Variants in BMP5 observed in about 807,000 individuals in gnomAD.
BMP5 encodes the protein bone morphogenetic protein 5.
In BMP5, 23 loss-of-function variants were observed where a neutral mutation model predicts 46.6. That is an observed-to-expected ratio of 0.49 (90% CI 0.35 to 0.70). BMP5 has a LOEUF of 0.70. BMP5 is among the 30% of genes least tolerant of loss of function. The pLI, the probability that BMP5 is intolerant of heterozygous loss-of-function variation, is 0.00. For synonymous variants in BMP5, 204 were observed against 191.9 expected, an observed-to-expected ratio of 1.06 and a Z score of -0.52; for missense variants, 545 against 565.6, an observed-to-expected ratio of 0.96 and a Z score of 0.37.
intron 1 of BMP5, among the ~76,000 whole-genome samples, chr6:55,864,909 A>G (rs1332769886): frequency 6.6e-6 from 1 of 152,122 alleles, no homozygotes; most frequent in Non-Finnish European, 1.5e-5. Flanking sequence ...CGCATCTGAA[A>G]AAAAAAACCC....
chr6:55,860,937 T>C (rs1777515083), intron 1 of BMP5, among the ~76,000 whole-genome samples: 2 of 152,160 alleles, frequency 1.3e-5, no homozygotes, highest in Admixed American at 6.6e-5. Flanking sequence ...GGAGCAGAAA[T>C]AATATATTCA....
intron 1 of BMP5, among the ~76,000 whole-genome samples, chr6:55,841,162 C>T (rs1273826146): frequency 1.3e-5 from 2 of 152,152 alleles, no homozygotes; most frequent in African/African-American, 2.4e-5. Context: ...AACCATCCCA[C>T]CCTGCATCCA....
rs182181577 is a variant in BMP5 at position 55,804,899 on chromosome 6, A to G, written c.684-10472T>C. 3.3e-3 allele frequency among the ~76,000 whole-genome samples: 501 copies of G among 152,290 alleles called. 2 individuals carry two copies. The highest frequency in any genetic ancestry group is 0.011 in the African/African-American group (472 of 41,562). On this transcript the variant is annotated intron_variant, in intron 2 of 6. Transcript: ENST00000370830. ...ATTTAAGTTTGTATGTGGAAGATAG[A>G]ACTTCTTGCACTATTTCAATGTAAG...
rs761833722 is a variant in BMP5 at position 55,819,669 on chromosome 6, C to T, written c.669G>A (p.Lys223=). 3 of 1,611,508 alleles carry T rather than the reference C, an allele frequency of 1.9e-6. No homozygotes were observed. The highest frequency in any genetic ancestry group is 2.5e-6 in the Non-Finnish European group (3 of 1,177,994). ...TIKISIYQII[K]EYTNRDADLF... is the part of the protein sequence containing the mutation. ...AAAGATTATACCTATTTGTGTATTC[C>T]TTGATGATTTGATATATGCTAATCT... Residue 223 remains lysine (K), a synonymous_variant, in exon 2 of 7, where the codon AAG becomes AAA. Transcript: ENST00000370830.
At chr6:55,822,049 C>G (rs1013907057) in intron 1 of BMP5, among the ~76,000 whole-genome samples, 1 of 152,164 alleles carries the variant, frequency 6.6e-6, no homozygotes, top group East Asian at 1.9e-4. Context: ...TGCCTCATAA[C>G]AGCCTACAAG....
At chr6:55,806,109 T>C (rs567843995) in intron 2 of BMP5, among the ~76,000 whole-genome samples, 24 of 152,322 alleles carry the variant, frequency 1.6e-4, no homozygotes, top group African/African-American at 5.5e-4. Flanking sequence ...TTTGTTGCAA[T>C]TGCTTTTGGC....
intron 4 of BMP5, among the ~76,000 whole-genome samples, chr6:55,763,494 A>G (rs569444295): frequency 6.6e-6 from 1 of 152,286 alleles, no homozygotes; most frequent in East Asian, 1.9e-4. Context: ...TGTTGTACCC[A>G]AACTAGAAAA....
chr6:55,777,957 C>T (rs1042381967), intron 3 of BMP5, among the ~76,000 whole-genome samples: 2 of 152,080 alleles, frequency 1.3e-5, no homozygotes, highest in Admixed American at 1.3e-4. Flanking sequence ...CTGAGCAGTT[C>T]CACATTGGGT....
chr6:55,859,320 C>T (rs906274959), intron 1 of BMP5, among the ~76,000 whole-genome samples: 13 of 152,054 alleles, frequency 8.5e-5, no homozygotes, highest in Non-Finnish European at 1.6e-4. Flanking sequence ...TAAGAACAGA[C>T]TCTAAAAAAC....
At chr6:55,780,470 AAAAG>A (rs560608478) in intron 3 of BMP5, among the ~76,000 whole-genome samples, 188 of 131,606 alleles carry the variant, frequency 1.4e-3, no homozygotes, top group Middle Eastern at 8.6e-3. Context: ...AAAAAAAAAA[AAAAG>A]AAAGAAAGAA....
intron 1 of BMP5, among the ~76,000 whole-genome samples, chr6:55,837,052 CTT>C (rs112520541): frequency 2.1e-5 from 3 of 143,948 alleles, no homozygotes; most frequent in Admixed American, 7.0e-5. Context: ...TTTAAAGTAA[CTT>C]TTTTTTTTTT....
At chr6:55,770,875 C>A (rs1020890220) in intron 4 of BMP5, among the ~76,000 whole-genome samples, 2 of 151,846 alleles carry the variant, frequency 1.3e-5, no homozygotes, top group African/African-American at 4.8e-5. Flanking sequence ...AGAACACACA[C>A]AACATTTACT....
intron 2 of BMP5, among the ~76,000 whole-genome samples, chr6:55,817,836 C>A (rs1318169898): frequency 6.6e-6 from 1 of 152,116 alleles, no homozygotes; most frequent in South Asian, 2.1e-4. Flanking sequence ...GAAGCCAAGG[C>A]GTAGCCTAAT....
At chr6:55,864,222 G>A (rs1777588486) in intron 1 of BMP5, among the ~76,000 whole-genome samples, 2 of 152,078 alleles carry the variant, frequency 1.3e-5, no homozygotes, top group African/African-American at 4.8e-5. Flanking sequence ...TAAAAATCTA[G>A]CAGTAATTAT....
chr6:55,805,533 C>T (rs112165509), intron 2 of BMP5, among the ~76,000 whole-genome samples: 2,079 of 151,684 alleles, frequency 0.014, 40 homozygotes, highest in African/African-American at 0.047. Flanking sequence ...GTTAGTTCCA[C>T]GTCTTTGCTT....
intron 4 of BMP5, among the ~76,000 whole-genome samples, chr6:55,768,452 G>A (rs1774969062): frequency 6.6e-6 from 1 of 151,800 alleles, no homozygotes; most frequent in South Asian, 2.1e-4. Context: ...TATGAAATAG[G>A]CCTTGTTTTA....
At chr6:55,827,500 G>A (rs1320446403) in intron 1 of BMP5, among the ~76,000 whole-genome samples, 1 of 151,592 alleles carries the variant, frequency 6.6e-6, no homozygotes, top group Non-Finnish European at 1.5e-5. Flanking sequence ...ATATTTGAAG[G>A]TTCACAAATT....
chr6:55,790,654 A>T lies in BMP5; in HGVS notation c.832+3625T>A, dbSNP rs932994892. Among the ~76,000 whole-genome samples, 9 of 152,286 alleles carry T rather than the reference A, an allele frequency of 5.9e-5. No individual in the cohort carries two copies. In the East Asian group the frequency reaches 1.7e-3, roughly 29 times the overall value. ...CCAGAATATACCACGCCATTTTGAC[A>T]TAGTGTGCATTTACTTACTGTTTCT... On this transcript the variant is annotated intron_variant, in intron 3 of 6. Coordinates refer to ENST00000370830, the MANE Select transcript of BMP5 (RefSeq NM_021073.4).
chr6:55,834,533 T>A (rs1254467729), intron 1 of BMP5, among the ~76,000 whole-genome samples: 1 of 152,126 alleles, frequency 6.6e-6, no homozygotes, highest in South Asian at 2.1e-4. Context: ...TGTTTGTTTG[T>A]TTGTCTTTTC....
Sources: allele counts gnomAD v4.1 joint callset (sites outside exome capture counted in the v4.1 genomes callset), GRCh38; gene constraint gnomAD v4.1.1; transcripts MANE v1.5; gene names NCBI Gene and HGNC (gene_info 2026-07-23, HGNC 2026-07-21).